Variants in DPYD observed in about 807,000 individuals in gnomAD.
DPYD encodes the protein dihydropyrimidine dehydrogenase.
Under a neutral mutation model 116.2 loss-of-function variants are expected in DPYD, and 109 were observed. The observed-to-expected ratio is 0.94, with a 90% confidence interval of 0.80 to 1.10. The LOEUF is 1.10. Ranked by LOEUF, DPYD falls within the 50% of genes least tolerant of loss-of-function variation. DPYD has a pLI of 0.00. For missense variants in DPYD, 1,302 were observed against 1,254.5 expected (o/e 1.04, Z -0.57); for synonymous variants, 440 against 432.0 (o/e 1.02, Z -0.23).
intron 10 of DPYD, among the ~76,000 whole-genome samples, chr1:97,579,131 A>G (rs992990582): frequency 1.3e-5 from 2 of 152,186 alleles, no homozygotes; most frequent in African/African-American, 4.8e-5. Context: ...TAAGATAGAC[A>G]CCCAGCAAAT....
At chr1:97,278,203 T>C (rs1557993540) in intron 18 of DPYD, among the ~76,000 whole-genome samples, 1 of 152,252 alleles carries the variant, frequency 6.6e-6, no homozygotes, top group Non-Finnish European at 1.5e-5. Flanking sequence ...TCTTGAGCAA[T>C]ACCTAACTAC....
chr1:97,642,989 G>C (rs1043434088), intron 8 of DPYD, among the ~76,000 whole-genome samples: 1 of 151,858 alleles, frequency 6.6e-6, no homozygotes, highest in African/African-American at 2.4e-5. Flanking sequence ...AACCCTAGAA[G>C]AAAACCTAGG....
intron 1 of DPYD, among the ~76,000 whole-genome samples, chr1:97,912,265 A>G (rs1005392252): frequency 2.0e-5 from 3 of 152,150 alleles, no homozygotes; most frequent in African/African-American, 7.2e-5. Flanking sequence ...TTTCCAGCAC[A>G]ATGCTTTAAG....
chr1:97,620,856 C>T (rs1571074313), intron 8 of DPYD, among the ~76,000 whole-genome samples: 1 of 152,068 alleles, frequency 6.6e-6, no homozygotes, highest in Non-Finnish European at 1.5e-5. Context: ...CAGCTTCCTA[C>T]TTGTACATGG....
At chr1:97,615,991 G>A (rs1236571360) in intron 8 of DPYD, among the ~76,000 whole-genome samples, 2 of 151,864 alleles carry the variant, frequency 1.3e-5, no homozygotes, top group Non-Finnish European at 2.9e-5. Context: ...CATATGATAC[G>A]TTAACTCCTC....
intron 19 of DPYD, among the ~76,000 whole-genome samples, chr1:97,221,470 T>C (rs962548524): frequency 2.6e-5 from 4 of 152,092 alleles, no homozygotes; most frequent in South Asian, 2.1e-4. Flanking sequence ...ATAAGAATTA[T>C]ATAAATTAAC....
chr1:97,752,337 T>A (rs774821729), intron 3 of DPYD, among the ~76,000 whole-genome samples: 1 of 151,276 alleles, frequency 6.6e-6, no homozygotes, highest in African/African-American at 2.4e-5. Flanking sequence ...CACACATACA[T>A]TAAATTTAAA....
At chr1:97,638,715 GGGGAGCT>G (rs1657709617) in intron 8 of DPYD, among the ~76,000 whole-genome samples, 2 of 152,206 alleles carry the variant, frequency 1.3e-5, no homozygotes, top group South Asian at 4.1e-4. Context: ...CAGAAGGGAG[GGGGAGCT>G]GGTATGTCAC....
chr1:97,271,240 C>T (rs888135908), intron 18 of DPYD, among the ~76,000 whole-genome samples: 6 of 151,994 alleles, frequency 3.9e-5, no homozygotes, highest in African/African-American at 1.2e-4. Flanking sequence ...AGGATAGAAA[C>T]GTTCTTAGGA....
chr1:97,833,540 T>G (rs1403324853), intron 2 of DPYD, among the ~76,000 whole-genome samples: 1 of 152,158 alleles, frequency 6.6e-6, no homozygotes, highest in Non-Finnish European at 1.5e-5. Flanking sequence ...GCCTCAGACC[T>G]TACCATTACT....
intron 18 of DPYD, among the ~76,000 whole-genome samples, chr1:97,245,036 A>G (rs556246256): frequency 2.6e-5 from 4 of 152,212 alleles, no homozygotes; most frequent in African/African-American, 9.6e-5. Flanking sequence ...TTAGAATTCA[A>G]AGCCAGTGGC....
At chr1:97,625,666 T>G (rs1383963817) in intron 8 of DPYD, among the ~76,000 whole-genome samples, 1 of 151,990 alleles carries the variant, frequency 6.6e-6, no homozygotes, top group Non-Finnish European at 1.5e-5. Context: ...GGTGACAGCA[T>G]GTAAACACAC....
intron 3 of DPYD, among the ~76,000 whole-genome samples, chr1:97,822,806 A>T (rs1387512685): frequency 1.3e-5 from 2 of 152,140 alleles, no homozygotes; most frequent in Non-Finnish European, 2.9e-5. Context: ...TAAGCAAGAG[A>T]TTGGTGTATT....
Position 97,316,215 on chromosome 1 carries a change from C to A in DPYD, c.2059-9918G>T, listed in dbSNP as rs149489169. On this transcript the variant is annotated intron_variant, in intron 16 of 22. Transcript: ENST00000370192. ...TTTAAAACATCACTGAGAGGCTGGG[C>A]ACATTGGCTCATGCCTGTAATCCCA... is the stretch of plus-strand genomic sequence containing the variant. 2.0e-4 allele frequency among the ~76,000 whole-genome samples: 30 copies of A among 151,874 alleles called. 1 individual carries two copies. The East Asian group carries it at 5.7e-3, about 29-fold the overall frequency.
chr1:97,612,599 T>A (rs530031076), intron 8 of DPYD, among the ~76,000 whole-genome samples: 3 of 152,018 alleles, frequency 2.0e-5, no homozygotes, highest in Admixed American at 6.6e-5. Context: ...ATCTCATGGA[T>A]GCAACAATTA....
At chr1:97,284,746 C>T (rs1046837858) in intron 18 of DPYD, among the ~76,000 whole-genome samples, 1 of 152,032 alleles carries the variant, frequency 6.6e-6, no homozygotes. Flanking sequence ...ATTTTGATTA[C>T]TCTGTCATAT....
At chr1:97,601,696 G>C (rs1655257692) in intron 8 of DPYD, among the ~76,000 whole-genome samples, 1 of 151,872 alleles carries the variant, frequency 6.6e-6, no homozygotes, top group Admixed American at 6.6e-5. Context: ...TATCATTCTA[G>C]GATCTATATA....
At chr1:97,780,649 C>T (rs990200996) in intron 3 of DPYD, among the ~76,000 whole-genome samples, 1 of 152,178 alleles carries the variant, frequency 6.6e-6, no homozygotes, top group Non-Finnish European at 1.5e-5. Context: ...GAGGTATATT[C>T]TAAGTTCTAC....
intron 16 of DPYD, among the ~76,000 whole-genome samples, chr1:97,337,614 A>C (rs1366801064): frequency 6.6e-6 from 1 of 151,676 alleles, no homozygotes; most frequent in Non-Finnish European, 1.5e-5. Context: ...TTTGCTAAGA[A>C]ACTACCAGGG....
Sources: allele counts gnomAD v4.1 joint callset (sites outside exome capture counted in the v4.1 genomes callset), GRCh38; gene constraint gnomAD v4.1.1; transcripts MANE v1.5; gene names NCBI Gene and HGNC (gene_info 2026-07-23, HGNC 2026-07-21).